Variants in SNTG1 observed in about 807,000 individuals in gnomAD.
SNTG1 encodes the protein syntrophin gamma 1.
SNTG1 carries 39 observed loss-of-function variants against 74.7 expected under a neutral mutation model. The ratio of observed to expected loss-of-function variants is 0.52; its 90% confidence interval spans 0.40 to 0.68. The LOEUF (loss-of-function observed/expected upper bound fraction) is 0.68. SNTG1 is among the 30% of genes least tolerant of loss of function. The pLI is 0.00. For synonymous variants in SNTG1, 254 were observed against 217.1 expected (o/e 1.17, Z -1.49); for missense variants, 685 against 609.5 (o/e 1.12, Z -1.30).
At chr8:50,463,711 T>C (rs559473331) in intron 8 of SNTG1, among the ~76,000 whole-genome samples, 43 of 152,294 alleles carry the variant, frequency 2.8e-4, no homozygotes, top group Middle Eastern at 3.4e-3. Context: ...GCTAGCATTT[T>C]CAAAATGGTA....
chr8:49,939,424 A>G (rs1031435425), intron 1 of SNTG1, among the ~76,000 whole-genome samples: 3 of 152,188 alleles, frequency 2.0e-5, no homozygotes, highest in Non-Finnish European at 2.9e-5. Context: ...CACACCACAA[A>G]TGCTCACTTA....
At chr8:49,935,195 A>G (rs1807944386) in intron 1 of SNTG1, among the ~76,000 whole-genome samples, 1 of 131,886 alleles carries the variant, frequency 7.6e-6, no homozygotes, top group Non-Finnish European at 1.6e-5. Flanking sequence ...GACAGCAGCC[A>G]AGCAGAAGTG....
rs921302588 is a variant in SNTG1 at position 50,263,109 on chromosome 8, C to T, written c.-28+90474C>T. On this transcript the variant is annotated intron_variant, in intron 2 of 18. Coordinates refer to ENST00000642720, the MANE Select transcript of SNTG1 (RefSeq NM_018967.5). ...AAACCTAATGTAACTATGAACTTTT[C>T]GTGATAATGATGTGTCAGTGTGGGT... Among the ~76,000 whole-genome samples, 9 of 152,058 alleles carry T rather than the reference C, an allele frequency of 5.9e-5. 1 individual carries two copies. The highest frequency in any genetic ancestry group is 1.9e-4 in the African/African-American group (8 of 41,402).
intron 17 of SNTG1, among the ~76,000 whole-genome samples, chr8:50,738,221 C>A (rs1220887592): frequency 2.0e-5 from 3 of 152,128 alleles, no homozygotes; most frequent in Non-Finnish European, 4.4e-5. Flanking sequence ...CCTCAAGATA[C>A]AAAATCAATG....
At chr8:50,188,512 A>T (rs1006128618) in intron 2 of SNTG1, among the ~76,000 whole-genome samples, 5 of 152,118 alleles carry the variant, frequency 3.3e-5, no homozygotes, top group Non-Finnish European at 5.9e-5. Flanking sequence ...TTTCACCCTC[A>T]GATAGTCATA....
intron 1 of SNTG1, among the ~76,000 whole-genome samples, chr8:50,079,639 A>G (rs1822218968): frequency 6.6e-6 from 1 of 152,132 alleles, no homozygotes; most frequent in Non-Finnish European, 1.5e-5. Context: ...GTCTTTGCTC[A>G]TGCCTATGTC....
At chr8:50,197,444 G>A (rs912135373) in intron 2 of SNTG1, among the ~76,000 whole-genome samples, 9 of 151,936 alleles carry the variant, frequency 5.9e-5, no homozygotes, top group Non-Finnish European at 1.2e-4. Context: ...CTGTTAATAG[G>A]TGCACCTTTT....
chr8:50,199,218 CTT>C (rs879822781), intron 2 of SNTG1, among the ~76,000 whole-genome samples: 43 of 133,388 alleles, frequency 3.2e-4, no homozygotes, highest in Non-Finnish European at 3.3e-4. Context: ...ACTTAATTTC[CTT>C]TTTTTTTTTT....
chr8:50,612,321 G>A (rs1312154932), intron 13 of SNTG1, among the ~76,000 whole-genome samples: 1 of 152,070 alleles, frequency 6.6e-6, no homozygotes, highest in African/African-American at 2.4e-5. Flanking sequence ...ATTTAAAAAT[G>A]TCTTTAGATC....
intron 16 of SNTG1, among the ~76,000 whole-genome samples, chr8:50,706,332 G>T (rs1257645469): frequency 1.3e-5 from 2 of 152,020 alleles, no homozygotes; most frequent in Non-Finnish European, 2.9e-5. Flanking sequence ...CAAGATCCAA[G>T]ACCATTTAAA....
intron 8 of SNTG1, among the ~76,000 whole-genome samples, chr8:50,461,727 G>GTTTA (rs1394345848): frequency 8.3e-5 from 4 of 48,320 alleles, no homozygotes; most frequent in Admixed American, 3.9e-4. Context: ...GTTATTGTTT[G>GTTTA]TTTGTTTGTT....
At chr8:50,483,425 T>A in intron 8 of SNTG1, among the ~76,000 whole-genome samples, 1 of 151,954 alleles carries the variant, frequency 6.6e-6, no homozygotes, top group Non-Finnish European at 1.5e-5. Context: ...ATTACTGGAC[T>A]CTCAAAGAAA....
At chr8:50,112,849 A>T (rs1207739325) in intron 1 of SNTG1, among the ~76,000 whole-genome samples, 1 of 152,102 alleles carries the variant, frequency 6.6e-6, no homozygotes, top group Non-Finnish European at 1.5e-5. Context: ...TTAAATAGGG[A>T]ATCCTTTCCC....
chr8:50,472,864 T>A (rs2093664134), intron 8 of SNTG1, among the ~76,000 whole-genome samples: 1 of 151,982 alleles, frequency 6.6e-6, no homozygotes. Context: ...AAAAACTGTC[T>A]AAAAGACTTG....
At chr8:50,245,447 C>A (rs1042847129) in intron 2 of SNTG1, among the ~76,000 whole-genome samples, 1 of 152,122 alleles carries the variant, frequency 6.6e-6, no homozygotes, top group African/African-American at 2.4e-5. Flanking sequence ...CTTTGGAAGG[C>A]TGAGGCGTGC....
At chr8:50,743,364 A>G (rs2095547958) in intron 17 of SNTG1, among the ~76,000 whole-genome samples, 1 of 152,038 alleles carries the variant, frequency 6.6e-6, no homozygotes, top group Non-Finnish European at 1.5e-5. Flanking sequence ...AAATCAATCA[A>G]TGTAATACAA....
chr8:50,596,749 TA>T (rs984340368), intron 13 of SNTG1, among the ~76,000 whole-genome samples: 10 of 152,082 alleles, frequency 6.6e-5, no homozygotes, highest in Non-Finnish European at 1.5e-5. Context: ...CTGTTGTTGA[TA>T]AAACTTCTAA....
chr8:50,323,447 A>G (rs899682635), intron 2 of SNTG1, among the ~76,000 whole-genome samples: 1 of 152,174 alleles, frequency 6.6e-6, no homozygotes, highest in Admixed American at 6.5e-5. Flanking sequence ...GGTATTTATT[A>G]TAGTCTTCTC....
chr8:50,474,123 T>G (rs920116723), intron 8 of SNTG1, among the ~76,000 whole-genome samples: 1 of 152,034 alleles, frequency 6.6e-6, no homozygotes, highest in African/African-American at 2.4e-5. Flanking sequence ...ATGATTAAGA[T>G]GGAAGAAAAC....
Sources: gnomAD v4.1 joint callset for allele counts (sites outside exome capture counted in the v4.1 genomes callset) on GRCh38, gnomAD v4.1.1 for gene constraint, MANE v1.5 for transcripts, NCBI Gene and HGNC (gene_info 2026-07-23, HGNC 2026-07-21) for gene names.